PCDH15: variants seen among roughly 807,000 people sequenced by gnomAD.
PCDH15 encodes protocadherin related 15.
Under a neutral mutation model 178.5 loss-of-function variants are expected in PCDH15, and 129 were observed. That is an observed-to-expected ratio of 0.72 (90% CI 0.63 to 0.84). PCDH15 has a LOEUF of 0.84. Ranked by LOEUF, PCDH15 falls within the 40% of genes least tolerant of loss-of-function variation. The probability of loss-of-function intolerance (pLI) is 0.00; values close to 1 mark genes in which losing one functional copy is unlikely to be tolerated. For missense variants in PCDH15, 2,230 were observed against 2,099.9 expected (o/e 1.06, Z -1.21); for synonymous variants, 800 against 732.0 (o/e 1.09, Z -1.50).
chr10:54,050,833 AT>A (rs1479007160), intron 18 of PCDH15, among the ~76,000 whole-genome samples: 1 of 152,074 alleles, frequency 6.6e-6, no homozygotes, highest in Non-Finnish European at 1.5e-5. Context: ...TCTCATCTTG[AT>A]TGTAGTTCCC....
chr10:54,870,875 A>G (rs1207978985), intron 3 of PCDH15, among the ~76,000 whole-genome samples: 1 of 152,178 alleles, frequency 6.6e-6, no homozygotes, highest in East Asian at 1.9e-4. Flanking sequence ...TATCCACTCA[A>G]CTAGGATGTA....
intron 2 of PCDH15, among the ~76,000 whole-genome samples, chr10:55,371,244 T>C (rs894654787): frequency 3.3e-5 from 5 of 152,090 alleles, no homozygotes; most frequent in Admixed American, 3.3e-4. Flanking sequence ...TATTCTCAAA[T>C]GTGATCTCAT....
chr10:55,415,254 A>G (rs968463329), intron 2 of PCDH15, among the ~76,000 whole-genome samples: 2 of 151,600 alleles, frequency 1.3e-5, no homozygotes, highest in Non-Finnish European at 3.0e-5. Flanking sequence ...CCAGAGATGA[A>G]TCTCTTCTTG....
intron 28 of PCDH15, 53 bp from the exon 29 acceptor site, chr10:53,840,549 A>G (rs903206361): frequency 5.0e-5 from 75 of 1,500,486 alleles, no homozygotes; most frequent in Non-Finnish European, 6.8e-5. Context: ...TTCTGGGAGT[A>G]AAAAATTACT....
intron 2 of PCDH15, among the ~76,000 whole-genome samples, chr10:55,036,141 G>A (rs868690009): frequency 3.9e-4 from 59 of 152,236 alleles, no homozygotes; most frequent in African/African-American, 1.4e-3. Flanking sequence ...TTGAGACAAT[G>A]AGTTCAGTCT....
At chr10:54,455,120 T>C (rs895362551) in intron 3 of PCDH15, among the ~76,000 whole-genome samples, 2 of 152,128 alleles carry the variant, frequency 1.3e-5, no homozygotes, top group African/African-American at 4.8e-5. Flanking sequence ...TCCAATATGA[T>C]TGTATGTTTC....
In PCDH15 at chr10:53,938,250, A is replaced by G. The variant is rs533573121; in HGVS notation, c.3373+565T>C. ...TGACGCTTTGTTTACTGTCATTTAA[A>G]AAAATAACCTTTTTAATTATTAACA... On this transcript the variant is annotated intron_variant, in intron 25 of 37. Transcript: ENST00000644397. Among the ~76,000 whole-genome samples, 10 of 152,258 alleles carry G rather than the reference A, an allele frequency of 6.6e-5. No individual in the cohort carries two copies. The South Asian group carries it at 1.9e-3, about 28-fold the overall frequency.
chr10:54,410,972 C>T (rs543523805), intron 3 of PCDH15, among the ~76,000 whole-genome samples: 64 of 152,184 alleles, frequency 4.2e-4, no homozygotes, highest in African/African-American at 1.3e-3. Context: ...TAATACTGCT[C>T]TACAATATTA....
intron 18 of PCDH15, among the ~76,000 whole-genome samples, chr10:54,037,882 G>A (rs1465483792): frequency 6.6e-6 from 1 of 151,992 alleles, no homozygotes; most frequent in Non-Finnish European, 1.5e-5. Context: ...GAACCACTTT[G>A]ATTTGGTTTG....
chr10:54,843,560 T>C (rs891996358), intron 3 of PCDH15, among the ~76,000 whole-genome samples: 2 of 152,030 alleles, frequency 1.3e-5, no homozygotes, highest in African/African-American at 4.8e-5. Context: ...ATTTTGCTTG[T>C]CGACTTTATA....
chr10:54,499,187 C>G (rs1426937541), intron 3 of PCDH15, among the ~76,000 whole-genome samples: 2 of 152,054 alleles, frequency 1.3e-5, no homozygotes, highest in Non-Finnish European at 2.9e-5. Flanking sequence ...ACTTAGAAAC[C>G]TCTGAAGAGA....
intron 3 of PCDH15, among the ~76,000 whole-genome samples, chr10:54,477,390 C>CT (rs2078349042): frequency 6.6e-6 from 1 of 151,962 alleles, no homozygotes; most frequent in African/African-American, 2.4e-5. Flanking sequence ...TATTAGTGTT[C>CT]TTTTTATTTT....
chr10:54,162,163 C>T (rs1363094513), intron 13 of PCDH15, among the ~76,000 whole-genome samples: 1 of 152,076 alleles, frequency 6.6e-6, no homozygotes, highest in Non-Finnish European at 1.5e-5. Context: ...TGTATTGTTT[C>T]ATCATTTGAG....
At chr10:55,212,570 AG>A (rs1323452412) in intron 1 of PCDH15, among the ~76,000 whole-genome samples, 1 of 152,058 alleles carries the variant, frequency 6.6e-6, no homozygotes. Flanking sequence ...ATAGTTAACA[AG>A]GGGAACTTAA....
At chr10:55,178,916 A>T (rs961892844) in intron 1 of PCDH15, among the ~76,000 whole-genome samples, 4 of 152,088 alleles carry the variant, frequency 2.6e-5, no homozygotes, top group Admixed American at 6.6e-5. Flanking sequence ...CCCAAATTAG[A>T]TTTAATTTCT....
chr10:54,785,383 C>A (rs1180230258), intron 1 of PCDH15, among the ~76,000 whole-genome samples: 1 of 151,906 alleles, frequency 6.6e-6, no homozygotes, highest in South Asian at 2.1e-4. Flanking sequence ...TCTTAAGCTT[C>A]ATATTTTAGC....
At chr10:54,815,151 T>A (rs1952928610) in intron 3 of PCDH15, among the ~76,000 whole-genome samples, 1 of 151,958 alleles carries the variant, frequency 6.6e-6, no homozygotes, top group African/African-American at 2.4e-5. Flanking sequence ...TTGGTTTTTT[T>A]TTTTATATTT....
At chr10:55,046,909 TTAAAG>T (rs758178558) in intron 2 of PCDH15, among the ~76,000 whole-genome samples, 6 of 152,084 alleles carry the variant, frequency 3.9e-5, no homozygotes, top group Non-Finnish European at 7.4e-5. Context: ...CATTATTAAT[TTAAAG>T]TAATGAGTTT....
At position 54,141,135 on chromosome 10, in the gene PCDH15, A is replaced by G. The variant is rs189184820; in HGVS notation, c.1785-8128T>C. ...ATATATATAATATATAAAACTATTG[A>G]TGCTTTTTAGTTTCTAATGGAAAGC... On this transcript the variant is annotated intron_variant, in intron 14 of 37. Coordinates refer to ENST00000644397, the MANE Select transcript of PCDH15 (RefSeq NM_001384140.1). Among the ~76,000 whole-genome samples the G allele has an allele frequency of 3.8e-3, 581 of 151,434 alleles. 6 individuals carry two copies. The highest frequency in any genetic ancestry group is 4.3e-3 in the Non-Finnish European group (292 of 67,852).
Sources: allele counts gnomAD v4.1 joint callset (sites outside exome capture counted in the v4.1 genomes callset), GRCh38; gene constraint gnomAD v4.1.1; transcripts MANE v1.5; gene names NCBI Gene and HGNC (gene_info 2026-07-23, HGNC 2026-07-21).